The following SPATA13 variants were observed in gnomAD, a reference collection of about 807,000 sequenced individuals.
The protein encoded by SPATA13 is spermatogenesis-associated protein 13.
SPATA13 carries 50 observed loss-of-function variants against 104.0 expected under a neutral mutation model. The observed-to-expected ratio is 0.48, with a 90% CI of 0.38 to 0.61. The LOEUF (loss-of-function observed/expected upper bound fraction) is 0.61, where lower values mean the gene tolerates loss of function less well. SPATA13 is among the 20% of genes least tolerant of loss of function. The pLI is 0.00. For synonymous variants in SPATA13, 606 were observed against 667.5 expected, an observed-to-expected ratio of 0.91 and a Z score of 1.42; for missense variants, 1,524 against 1,690.6, an observed-to-expected ratio of 0.90 and a Z score of 1.73.
intron 2 of SPATA13, among the ~76,000 whole-genome samples, chr13:23,989,403 C>T (rs1875301238): frequency 6.7e-6 from 1 of 149,700 alleles, no homozygotes; most frequent in Non-Finnish European, 1.5e-5. Context: ...GCCTGGGTGA[C>T]AGAGTGAGAT....
At chr13:24,104,422 C>A (rs1209500522) in intron 3 of SPATA13, among the ~76,000 whole-genome samples, 1 of 152,080 alleles carries the variant, frequency 6.6e-6, no homozygotes, top group East Asian at 1.9e-4. Flanking sequence ...GGCATAAATC[C>A]GCTAATCCTT....
At chr13:24,087,991 G>A (rs1879789415) in intron 3 of SPATA13, among the ~76,000 whole-genome samples, 1 of 152,224 alleles carries the variant, frequency 6.6e-6, no homozygotes, top group South Asian at 2.1e-4. Context: ...TCCTCCAGCT[G>A]CCTTTGTCCA....
intron 1 of SPATA13, among the ~76,000 whole-genome samples, chr13:24,170,351 C>T (rs895975109): frequency 2.0e-5 from 3 of 152,180 alleles, no homozygotes; most frequent in African/African-American, 4.8e-5. Context: ...GGGCTGGAAT[C>T]GTCCAAATGG....
At chr13:24,036,942 A>T (rs1877706055) in intron 3 of SPATA13, among the ~76,000 whole-genome samples, 1 of 151,146 alleles carries the variant, frequency 6.6e-6, no homozygotes, top group South Asian at 2.1e-4. Flanking sequence ...TGCCCAGCTA[A>T]TTTTTGTATT....
At chr13:24,156,194 T>A (rs1239451325), upstream of SPATA13, among the ~76,000 whole-genome samples, 1 of 152,216 alleles carries the variant, frequency 6.6e-6, no homozygotes, top group Non-Finnish European at 1.5e-5. Context: ...TTTGGGTATA[T>A]CCCAGAAGAG....
chr13:24,204,982 C>A (rs1870624375), intron 1 of SPATA13, among the ~76,000 whole-genome samples: 1 of 152,172 alleles, frequency 6.6e-6, no homozygotes, highest in Non-Finnish European at 1.5e-5. Flanking sequence ...CAGCCAATAT[C>A]ATACCTAATG....
intron 1 of SPATA13, among the ~76,000 whole-genome samples, chr13:23,983,362 G>A (rs1381440696): frequency 6.6e-6 from 1 of 152,166 alleles, no homozygotes; most frequent in Non-Finnish European, 1.5e-5. Context: ...TACTGGATTA[G>A]AGCCCACCCA....
intron 3 of SPATA13, among the ~76,000 whole-genome samples, chr13:24,127,127 A>G (rs1413122688): frequency 2.0e-5 from 3 of 152,164 alleles, no homozygotes; most frequent in African/African-American, 7.2e-5. Flanking sequence ...ATGCCAGTCA[A>G]TCCTGGCAGG....
At chr13:24,047,115 C>T (rs9580848) in intron 3 of SPATA13, among the ~76,000 whole-genome samples, 37,413 of 152,002 alleles carry the variant, frequency 0.25, 5,086 homozygotes, top group African/African-American at 0.36. Flanking sequence ...GAGTCCACCT[C>T]AAGGCGGGGT....
chr13:24,143,727 G>A (rs917531356), intron 3 of SPATA13, among the ~76,000 whole-genome samples: 1 of 152,134 alleles, frequency 6.6e-6, no homozygotes, highest in Non-Finnish European at 1.5e-5. Flanking sequence ...AACAGTGGGG[G>A]CTGAGCCCTT....
At chr13:24,235,053 G>A (rs184631511) in intron 2 of SPATA13, among the ~76,000 whole-genome samples, 98 of 152,292 alleles carry the variant, frequency 6.4e-4, no homozygotes, top group African/African-American at 2.2e-3. Flanking sequence ...ATGGTAAATC[G>A]GGTTAATAGT....
At chr13:23,984,296 A>G (rs570156678) in intron 2 of SPATA13, among the ~76,000 whole-genome samples, 1 of 152,376 alleles carries the variant, frequency 6.6e-6, no homozygotes, top group East Asian at 1.9e-4. Context: ...GGTATTCACC[A>G]GTCATCAGAG....
Position 24,304,247 on chromosome 13 carries a change from G to C in SPATA13, c.*1474G>C, listed in dbSNP as rs952307986. 2.0e-5 allele frequency: 3 copies of C among 152,186 alleles called. No homozygotes were observed. Among genetic ancestry groups the C allele is most frequent in the Non-Finnish European group, 4.4e-5 (3 of 68,052 alleles). The allele number at this position is 152,186 out of a possible 1,614,324, so 9.4% of individuals were successfully genotyped here. ...AGAGATAGCAGTCTTTATTAACAAA[G>C]GCCACCTAGGCTGACACCTGCAGAT... On this transcript the variant is annotated 3_prime_UTR_variant, in exon 13 of 13. Coordinates refer to ENST00000382108, the MANE Select transcript of SPATA13 (RefSeq NM_001166271.3).
chr13:24,069,263 G>A (rs1288449714), intron 3 of SPATA13, among the ~76,000 whole-genome samples: 1 of 152,160 alleles, frequency 6.6e-6, no homozygotes, highest in African/African-American at 2.4e-5. Flanking sequence ...AGCATGGAAT[G>A]TTTTTCATTT....
intron 2 of SPATA13, among the ~76,000 whole-genome samples, chr13:24,233,601 A>G (rs973262876): frequency 5.3e-5 from 8 of 152,214 alleles, no homozygotes; most frequent in South Asian, 2.1e-4. Context: ...TTACTTTAAC[A>G]ATGGAATCAT....
At chr13:24,180,176 T>A (rs55814109) in intron 1 of SPATA13, among the ~76,000 whole-genome samples, 9,529 of 152,302 alleles carry the variant, frequency 0.063, 390 homozygotes, top group Non-Finnish European at 0.091. Flanking sequence ...TTGCATATGG[T>A]GTAAGGGAAG....
chr13:24,009,685 G>C (rs1232718571), intron 2 of SPATA13, among the ~76,000 whole-genome samples: 2 of 152,208 alleles, frequency 1.3e-5, no homozygotes, highest in Non-Finnish European at 2.9e-5. Flanking sequence ...GGATGATAAG[G>C]GGTGGTGGAG....
intron 2 of SPATA13, among the ~76,000 whole-genome samples, chr13:23,993,162 G>A (rs1875494475): frequency 6.6e-6 from 1 of 152,234 alleles, no homozygotes; most frequent in African/African-American, 2.4e-5. Context: ...CGTGGACAGA[G>A]TGTCCCAAGG....
intron 3 of SPATA13, among the ~76,000 whole-genome samples, chr13:24,073,390 T>A (rs1879231027): frequency 6.6e-6 from 1 of 152,254 alleles, no homozygotes; most frequent in Non-Finnish European, 1.5e-5. Flanking sequence ...GTTACTTGTT[T>A]TCTATTTGAT....
Sources: allele counts gnomAD v4.1 joint callset (sites outside exome capture counted in the v4.1 genomes callset), GRCh38; gene constraint gnomAD v4.1.1; transcripts MANE v1.5; gene names NCBI Gene and HGNC (gene_info 2026-07-23, HGNC 2026-07-21).